The following KCNQ1 variants were observed in gnomAD, a reference collection of about 807,000 sequenced individuals.
KCNQ1 encodes the protein potassium voltage-gated channel subfamily KQT member 1.
Under a neutral mutation model 72.4 loss-of-function variants are expected in KCNQ1, and 49 were observed. That is an observed-to-expected ratio of 0.68 (90% CI 0.54 to 0.86). The LOEUF (loss-of-function observed/expected upper bound fraction) is 0.86, where lower values mean the gene tolerates loss of function less well. Ranked by LOEUF, KCNQ1 falls within the 40% of genes least tolerant of loss-of-function variation. KCNQ1 has a pLI of 0.00. For synonymous variants in KCNQ1, 450 were observed against 412.6 expected, an observed-to-expected ratio of 1.09 and a Z score of -1.10; for missense variants, 790 against 945.1, an observed-to-expected ratio of 0.84 and a Z score of 2.15.
chr11:2,811,508 G>T lies in KCNQ1; in HGVS notation c.1794+33471G>T, dbSNP rs546328480. Among the ~76,000 whole-genome samples, 3 of 152,356 alleles carry T rather than the reference G, an allele frequency of 2.0e-5. No homozygotes were observed. In the South Asian group the frequency reaches 6.2e-4, roughly 32 times the overall value. On this transcript the variant is annotated intron_variant, in intron 15 of 15. Transcript: ENST00000155840. ...CTTCTTGAGGTTCACTGCCCTAAAG[G>T]CCGCATGAGGGGACAGAAGGTGAAC... is the stretch of plus-strand genomic sequence containing the variant.
rs141721300 is a variant in KCNQ1, at chr11:2,493,228, T to A, written c.387-34700T>A. Among the ~76,000 whole-genome samples the A allele has an allele frequency of 5.8e-3, 877 of 152,326 alleles. 12 individuals are homozygous for A. Among genetic ancestry groups the A allele is most frequent in the African/African-American group, 0.02 (832 of 41,576 alleles). ...GTTGTTTTTTTCTTGTAAATTTAAG[T>A]TCCTTGTAGATTTTGGATATTAGAC... On this transcript the variant is annotated intron_variant, in intron 1 of 15. Coordinates refer to ENST00000155840, the MANE Select transcript of KCNQ1 (RefSeq NM_000218.3). This position sits in a 1 kb window ranked among gnomAD's most constrained non-coding sequence, Gnocchi z 5.3.
Position 2,456,944 on chromosome 11 carries a change from A to C in KCNQ1, c.386+11460A>C, listed in dbSNP as rs1846202365. On this transcript the variant is annotated intron_variant, in intron 1 of 15. Transcript: ENST00000155840. Reference sequence around the variant, plus strand: ...ACAGAGCAAGACTCGGTCTCAAAAAAAAAAAAAAAAAAAAAAAAAAACCCA... The same window carrying C: ...ACAGAGCAAGACTCGGTCTCAAAAACAAAAAAAAAAAAAAAAAAAAACCCA... Among the ~76,000 whole-genome samples the C allele has an allele frequency of 2.1e-5, 3 of 142,150 alleles. No homozygotes were observed. In the South Asian group the frequency reaches 6.4e-4, roughly 30 times the overall value. The allele number at this position is 142,150 out of a possible 152,430, so 93.3% of individuals were successfully genotyped here. A position where few individuals can be genotyped will look rare whatever the true frequency, so the allele number is the denominator to read the frequency against.
In KCNQ1 at chr11:2,579,694, C is replaced by T. The variant is rs982720817; in HGVS notation, c.922-3741C>T. 2.0e-5 allele frequency among the ~76,000 whole-genome samples: 3 copies of T among 152,128 alleles called. No individual in the cohort carries two copies. Among genetic ancestry groups the T allele is most frequent in the Admixed American group, 6.5e-5 (1 of 15,286 alleles). ...CGTCCTGCTGTATGTGTGCTCTCCA[C>T]GGTGGGCAGACACCCAGGGGCACTT... On this transcript the variant is annotated intron_variant, in intron 6 of 15. Coordinates refer to ENST00000155840, the MANE Select transcript of KCNQ1 (RefSeq NM_000218.3). This position sits in a 1 kb window ranked among gnomAD's most constrained non-coding sequence, Gnocchi z 6.0.
At chr11:2,609,366 A>C (rs1389327783) in intron 10 of KCNQ1, 2 of 398,312 alleles carry the variant, frequency 5.0e-6, no homozygotes, top group Admixed American at 4.4e-5. Context: ...CTTTTATTTC[A>C]TTATATTCAG....
At position 2,537,712 on chromosome 11, in the gene KCNQ1, G is replaced by GTTT. The variant is rs1847756425; in HGVS notation, c.477+9698_477+9700dup. ...GGTTTTGTGGGGTTTTTTGTTGTTG[G>GTTT]TTTTTTATTTTTATTTTTTTGAGAG... On this transcript the variant is annotated intron_variant, in intron 2 of 15. Coordinates refer to ENST00000155840, the MANE Select transcript of KCNQ1 (RefSeq NM_000218.3). The surrounding 1 kb of genome is among the most constrained non-coding windows in gnomAD (Gnocchi z 5.2). 6.6e-6 allele frequency among the ~76,000 whole-genome samples: 1 copy of GTTT among 152,042 alleles called. No individual in the cohort carries two copies. Among genetic ancestry groups the GTTT allele is most frequent in the African/African-American group, 2.4e-5 (1 of 41,380 alleles).
intron 2 of KCNQ1, among the ~76,000 whole-genome samples, chr11:2,554,247 A>T (rs912886301): frequency 2.0e-5 from 3 of 152,256 alleles, no homozygotes; most frequent in Non-Finnish European, 4.4e-5. Flanking sequence ...AACATTTGAT[A>T]GCTAGAACAT....
rs1260911046 is a variant in KCNQ1, at chr11:2,815,708, CTGG to C, written c.1795-32058_1795-32056del. 1.3e-5 allele frequency among the ~76,000 whole-genome samples: 2 copies of C among 151,972 alleles called. No homozygotes were observed. The highest frequency in any genetic ancestry group is 4.8e-5 in the African/African-American group (2 of 41,362). On this transcript the variant is annotated intron_variant, in intron 15 of 15. Transcript: ENST00000155840. This position sits in a 1 kb window ranked among gnomAD's most constrained non-coding sequence, Gnocchi z 5.4. ...CAGGCAGAGGGGCAATTGGAAGAGG[CTGG>C]AGACTATTCAGGAGAGGGTGGGAGC...
In KCNQ1 at chr11:2,659,016, C is replaced by T; in HGVS notation, c.1394-2945C>T. 1 of 398,578 alleles carries T rather than the reference C, an allele frequency of 2.5e-6. No homozygotes were observed. Among genetic ancestry groups the T allele is most frequent in the East Asian group, 3.6e-5 (1 of 28,072 alleles). 24.7% of individuals were successfully genotyped at this position (398,578 alleles called of 1,614,324 possible). On this transcript the variant is annotated intron_variant, in intron 10 of 15. Coordinates refer to ENST00000155840, the MANE Select transcript of KCNQ1 (RefSeq NM_000218.3). The surrounding 1 kb of genome is among the most constrained non-coding windows in gnomAD (Gnocchi z 4.3). ...TTTTGAAAGCAACATATGCCAGCTC[C>T]TCCTCCTCCTTTCCTTTCACTGCTA...
chr11:2,456,765 C>A (rs1397090913), intron 1 of KCNQ1, among the ~76,000 whole-genome samples: 6,111 of 31,852 alleles, frequency 0.19, 323 homozygotes, highest in African/African-American at 0.29. Flanking sequence ...ACTAAAAATC[C>A]AAAAAAAAAA....
chr11:2,692,289 T>C (rs1850601162), intron 11 of KCNQ1: 1 of 398,882 alleles, frequency 2.5e-6, no homozygotes, highest in Non-Finnish European at 4.4e-6. Context: ...TTCTAGAGGT[T>C]CCCTGCTTCC....
In KCNQ1 at chr11:2,498,539, C is replaced by T. The variant is rs1362327831; in HGVS notation, c.387-29389C>T. The stretch of plus-strand genomic sequence containing the variant: ...TAATACCAAATGCCCCTCCCGCCAC[C>T]AAGCTTGAGCATCCCAGGTCAACTT... On this transcript the variant is annotated intron_variant, in intron 1 of 15. Coordinates refer to ENST00000155840, the MANE Select transcript of KCNQ1 (RefSeq NM_000218.3). This position sits in a 1 kb window ranked among gnomAD's most constrained non-coding sequence, Gnocchi z 4.8. 6.6e-6 allele frequency among the ~76,000 whole-genome samples: 1 copy of T among 152,216 alleles called. No individual in the cohort carries two copies. Among genetic ancestry groups the T allele is most frequent in the Non-Finnish European group, 1.5e-5 (1 of 68,044 alleles).
rs2133805012 is a variant in KCNQ1 at position 2,621,568 on chromosome 11, CTA to C, written c.1393+32716_1393+32717del. On this transcript the variant is annotated intron_variant, in intron 10 of 15. Transcript: ENST00000155840. The surrounding 1 kb of genome is among the most constrained non-coding windows in gnomAD (Gnocchi z 5.7). ...TTAGTTTACCACTGTGATCTCTTTG[CTA>C]TTGGTCTGTTCAGGCTTTCTATTCC... 1 of 398,416 alleles carries C rather than the reference CTA, an allele frequency of 2.5e-6. No homozygotes were observed. The highest frequency in any genetic ancestry group is 3.6e-5 in the East Asian group (1 of 28,024). 24.7% of individuals were successfully genotyped at this position (398,416 alleles called of 1,614,324 possible).
intron 2 of KCNQ1, among the ~76,000 whole-genome samples, chr11:2,555,356 T>C (rs1848054456): frequency 6.6e-6 from 1 of 152,196 alleles, no homozygotes; most frequent in African/African-American, 2.4e-5. Flanking sequence ...GCACCGTCTT[T>C]GGGGTTAACA....
At chr11:2,666,196 ACT>A in intron 11 of KCNQ1, 1 of 398,094 alleles carries the variant, frequency 2.5e-6, no homozygotes, top group Admixed American at 4.4e-5. Context: ...CCTCAGTCCC[ACT>A]CTCCAGAGGG....
In KCNQ1 at chr11:2,776,979, T is replaced by A. The variant is rs770002099; in HGVS notation, c.1686-7T>A. On this transcript the variant is annotated splice_polypyrimidine_tract_variant and splice_region_variant and intron_variant, in intron 13 of 15. Coordinates refer to ENST00000155840, the MANE Select transcript of KCNQ1 (RefSeq NM_000218.3). ...GTGTGAACTGGTGTCTGTGTCCTTC[T>A]CTCCAGGCTGGACCAGTCCATTGGG... 2 of 1,614,050 alleles carry A rather than the reference T, an allele frequency of 1.2e-6. No individual in the cohort carries two copies. Among genetic ancestry groups the A allele is most frequent in the South Asian group, 2.2e-5 (2 of 91,066 alleles).
chr11:2,467,758 G>A (rs2133591689), intron 1 of KCNQ1, among the ~76,000 whole-genome samples: 1 of 152,322 alleles, frequency 6.6e-6, no homozygotes, highest in Admixed American at 6.5e-5. Flanking sequence ...TGCAATGGGG[G>A]CTGTGGGGAC....
chr11:2,662,933 T>C (rs1185357544), intron 11 of KCNQ1: 32 of 398,536 alleles, frequency 8.0e-5, no homozygotes, highest in Non-Finnish European at 1.3e-4. Context: ...GCCATGTGTG[T>C]CTTTGTCGTA....
intron 10 of KCNQ1, chr11:2,640,265 T>G: frequency 2.5e-6 from 1 of 397,596 alleles, no homozygotes; most frequent in Non-Finnish European, 4.4e-6. Flanking sequence ...CTACCTCAGT[T>G]GGAAATGCAG....
intron 7 of KCNQ1, among the ~76,000 whole-genome samples, 173 bp from the exon 8 acceptor site, chr11:2,585,038 GC>G (rs1848572271): frequency 6.6e-6 from 1 of 152,176 alleles, no homozygotes; most frequent in South Asian, 2.1e-4. Flanking sequence ...TATAAGTTCT[GC>G]CCCCCATGCT....
Sources: allele counts gnomAD v4.1 joint callset (sites outside exome capture counted in the v4.1 genomes callset), GRCh38; gene constraint gnomAD v4.1.1; non-coding constraint Gnocchi (gnomAD v3.1); transcripts MANE v1.5; gene names NCBI Gene and HGNC (gene_info 2026-07-23, HGNC 2026-07-21).